Variants in MTM1 observed in about 807,000 individuals in gnomAD.
The protein encoded by MTM1 is myotubularin 1, also known as myotubularin.
In MTM1, 9 loss-of-function variants were observed where a neutral mutation model predicts 52.1. The observed-to-expected ratio is 0.17, with a 90% confidence interval of 0.10 to 0.30. The LOEUF is 0.30. MTM1 is among the 10% of genes least tolerant of loss of function. The pLI, the probability that MTM1 is intolerant of heterozygous loss-of-function variation, is 1.00. For missense variants in MTM1, 277 were observed against 470.7 expected (o/e 0.59, Z 3.81); for synonymous variants, 136 against 163.8 (o/e 0.83, Z 1.29).
At chrX:150,579,998 G>A (rs1057380000) in intron 1 of MTM1, among the ~76,000 whole-genome samples, 13 of 110,704 alleles carry the variant, frequency 1.2e-4, no homozygotes, top group Non-Finnish European at 1.9e-4. Flanking sequence ...TTTCCAATAT[G>A]TTATGTGTTT....
At chrX:150,651,665 A>G (rs1388412804) in intron 10 of MTM1, among the ~76,000 whole-genome samples, 1 of 111,393 alleles carries the variant, frequency 9.0e-6, no homozygotes, top group African/African-American at 3.3e-5. Context: ...TGCAAAGTAG[A>G]ACCCAAAATA....
Position 150,671,628 on chromosome X carries a change from A to G in MTM1, c.*33A>G, listed in dbSNP as rs1557415157. On this transcript the variant is annotated 3_prime_UTR_variant, in exon 15 of 15. Coordinates refer to ENST00000370396, the MANE Select transcript of MTM1 (RefSeq NM_000252.3). ...CCCTGGCACCGCATTAGAGCTCGAA[A>G]TAAAGGCGATAGCTGACTTTCATTT... The G allele has an allele frequency of 1.7e-6, 2 of 1,192,127 alleles. No individual in the cohort carries two copies. Among genetic ancestry groups the G allele is most frequent in the Non-Finnish European group, 2.3e-6 (2 of 878,659 alleles).
chrX:150,641,407 A>G lies in MTM1; in HGVS notation c.667A>G (p.Asn223Asp). ...GAGAGTTGCAACTTTTAGGTCCCGA[A>G]ATCGAATTCCAGTGAGTACTGCAAT... is the stretch of plus-strand genomic sequence containing the variant. ...LRRVATFRSR[N>D]RIPVLSWIHP... The change falls in exon 8 of 15, where the codon AAT (asparagine) becomes GAT (aspartate). Residue 223 changes from asparagine (N) to aspartate (D), a missense_variant. Physicochemically the swap from Asn to Asp is conservative, Grantham distance 23. This residue lies in a region of MTM1 where 164 missense variants were observed against 283.3 expected (regional missense o/e 0.58). Transcript: ENST00000370396. 1 of 1,211,528 alleles carries G rather than the reference A, an allele frequency of 8.3e-7. No homozygotes were observed. Among genetic ancestry groups the G allele is most frequent in the Non-Finnish European group, 1.1e-6 (1 of 895,328 alleles).
intron 6 of MTM1, among the ~76,000 whole-genome samples, chrX:150,631,680 A>C (rs1603177159): frequency 9.2e-6 from 1 of 108,507 alleles, no homozygotes; most frequent in African/African-American, 3.3e-5. Context: ...AAAAAAAAAA[A>C]AAAAAAAAAA....
rs781784782 is a variant in MTM1, at chrX:150,644,436, A to AT, written c.679-1246dup. The stretch of plus-strand genomic sequence containing the variant: ...TGATCTCTAGCATGGTGCAAGGACC[A>AT]TATTTGTTCTGAGAATGAATAAATA... On this transcript the variant is annotated intron_variant, in intron 8 of 14. Transcript: ENST00000370396. Among the ~76,000 whole-genome samples the AT allele has an allele frequency of 4.5e-5, 5 of 112,035 alleles. No homozygotes were observed. In the South Asian group the frequency reaches 1.5e-3, roughly 33 times the overall value.
At chrX:150,656,114 G>T (rs1202891664) in intron 10 of MTM1, among the ~76,000 whole-genome samples, 1 of 111,085 alleles carries the variant, frequency 9.0e-6, no homozygotes, top group African/African-American at 3.3e-5. Context: ...GACGCGACCT[G>T]TTGGGTCAGT....
chrX:150,640,747 C>G (rs1201315481), intron 7 of MTM1, among the ~76,000 whole-genome samples: 3 of 111,628 alleles, frequency 2.7e-5, no homozygotes, highest in Non-Finnish European at 5.7e-5. Context: ...ATGAGCCTCC[C>G]CAGAGGGATC....
In MTM1 at chrX:150,667,995, T is replaced by TA. The variant is rs1457959434; in HGVS notation, c.1645-3432dup. Among the ~76,000 whole-genome samples the TA allele has an allele frequency of 1.8e-5, 2 of 112,057 alleles. 1 individual carries two copies. Among genetic ancestry groups the TA allele is most frequent in the Non-Finnish European group, 3.8e-5 (2 of 53,141 alleles). Reference sequence around the variant, plus strand: ...TCTCAAGATGAGATCATTCTAGATTTAGGGTGGGTGGGCCCTAAATCCAAT... The same window carrying TA: ...TCTCAAGATGAGATCATTCTAGATTTAAGGGTGGGTGGGCCCTAAATCCAAT... On this transcript the variant is annotated intron_variant, in intron 14 of 14. Transcript: ENST00000370396.
In MTM1 at chrX:150,581,538, A is replaced by G. The variant is rs150917713; in HGVS notation, c.-10-11067A>G. ...ACTCACAGACATGGATTTCAGGGGA[A>G]AAAGCCTATTTGTTGACTCATCTTT... On this transcript the variant is annotated intron_variant, in intron 1 of 14. Transcript: ENST00000370396. Among the ~76,000 whole-genome samples the G allele has an allele frequency of 3.9e-3, 432 of 111,893 alleles. 1 individual carries two copies. Among genetic ancestry groups the G allele is most frequent in the African/African-American group, 0.014 (418 of 30,830 alleles).
intron 1 of MTM1, among the ~76,000 whole-genome samples, chrX:150,583,667 T>A (rs111221121): frequency 0.07 from 2,645 of 37,863 alleles, 446 homozygotes; most frequent in Middle Eastern, 0.2. Flanking sequence ...TTATATATAA[T>A]TTATATATAA....
rs782041907 is a variant in MTM1, at chrX:150,584,929, T to A, written c.-10-7676T>A. On this transcript the variant is annotated intron_variant, in intron 1 of 14. Coordinates refer to ENST00000370396, the MANE Select transcript of MTM1 (RefSeq NM_000252.3). ...CTATTTGTATTATTTGTATTTGTAT[T>A]ATTTTTTGTCATACTGTTTTTTGTG... is the stretch of plus-strand genomic sequence containing the variant. 4.5e-5 allele frequency among the ~76,000 whole-genome samples: 5 copies of A among 111,968 alleles called. No homozygotes were observed. In the East Asian group the frequency reaches 1.4e-3, roughly 31 times the overall value.
At chrX:150,587,175 A>T (rs972488435) in intron 1 of MTM1, among the ~76,000 whole-genome samples, 17 of 110,718 alleles carry the variant, frequency 1.5e-4, no homozygotes, top group African/African-American at 5.3e-4. Context: ...GTGGGCGCAT[A>T]GTGGCATTTT....
intron 6 of MTM1, among the ~76,000 whole-genome samples, chrX:150,622,716 G>A (rs1328016418): frequency 1.8e-5 from 2 of 111,680 alleles, no homozygotes; most frequent in East Asian, 2.8e-4. Flanking sequence ...AATTTCCAGT[G>A]AAGGACTTCT....
intron 1 of MTM1, among the ~76,000 whole-genome samples, chrX:150,571,676 C>T (rs2038379333): frequency 8.9e-6 from 1 of 112,368 alleles, no homozygotes; most frequent in Non-Finnish European, 1.9e-5. Flanking sequence ...TTGCTTTTCT[C>T]GACATTTCTC....
intron 1 of MTM1, among the ~76,000 whole-genome samples, chrX:150,589,462 A>AT (rs782765917): frequency 1.8e-5 from 2 of 111,872 alleles, no homozygotes; most frequent in East Asian, 2.8e-4. Flanking sequence ...AAAAATCAAC[A>AT]TTTTTTTGTT....
chrX:150,609,017 AC>A (rs1228540310), intron 4 of MTM1, among the ~76,000 whole-genome samples: 3 of 110,228 alleles, frequency 2.7e-5, no homozygotes, highest in Non-Finnish European at 5.7e-5. Context: ...TTTAGTAGAG[AC>A]GGGGTTTCAC....
At position 150,645,715 on chromosome X, in the gene MTM1, G is replaced by T; in HGVS notation, c.711G>T (p.Thr237=). The T allele has an allele frequency of 8.3e-7, 1 of 1,211,475 alleles. No individual in the cohort carries two copies. The highest frequency in any genetic ancestry group is 2.2e-5 in the Admixed American group (1 of 46,010). Residue 237 remains threonine (T), a synonymous_variant, in exon 9 of 15, where the codon ACG becomes ACT. Transcript: ENST00000370396. ...VLSWIHPENK[T]VIVRCSQPLV... is the part of the protein sequence containing the mutation. ...CATGGATTCATCCAGAAAATAAGAC[G>T]GTCATTGTGCGTTGCAGTCAGCCTC...
At chrX:150,655,107 C>T (rs988782814) in intron 10 of MTM1, among the ~76,000 whole-genome samples, 2 of 110,249 alleles carry the variant, frequency 1.8e-5, no homozygotes, top group Admixed American at 9.7e-5. Flanking sequence ...GGGAGGATCA[C>T]GAGGTCAGGA....
chrX:150,637,367 C>T (rs782516343), intron 6 of MTM1, among the ~76,000 whole-genome samples: 3 of 111,263 alleles, frequency 2.7e-5, no homozygotes, highest in Non-Finnish European at 3.8e-5. Context: ...CGCAGCGCCT[C>T]CAGAGAAGAT....
Sources: gnomAD v4.1 joint callset for allele counts (sites outside exome capture counted in the v4.1 genomes callset) on GRCh38, gnomAD v4.1.1 for gene constraint, gnomAD v4.1.1 regional missense constraint, MANE v1.5 for transcripts, NCBI Gene and HGNC (gene_info 2026-07-23, HGNC 2026-07-21) for gene names.